Variants in CES5A observed in about 807,000 individuals in gnomAD.
CES5A encodes carboxylesterase 5A.
A neutral mutation model predicts 62.9 loss-of-function variants in CES5A; 67 were observed. The ratio of observed to expected loss-of-function variants is 1.07; its 90% CI spans 0.88 to 1.31. The LOEUF (loss-of-function observed/expected upper bound fraction) is 1.31, where lower values mean the gene tolerates loss of function less well. CES5A is among the 50% of genes most tolerant of loss of function. The pLI is 0.00. For synonymous variants in CES5A, 296 were observed against 280.8 expected (o/e 1.05, Z -0.54); for missense variants, 748 against 708.5 (o/e 1.06, Z -0.63).
At chr16:55,932,427 G>A (rs565223761) in intron 2 of CES5A, among the ~76,000 whole-genome samples, 2 of 152,332 alleles carry the variant, frequency 1.3e-5, no homozygotes, top group East Asian at 1.9e-4. Context: ...TGTTCTTGTG[G>A]AGTTTACTGT....
At chr16:55,884,591 ACTT>A (rs1476305174) in intron 1 of CES5A, among the ~76,000 whole-genome samples, 2 of 140,988 alleles carry the variant, frequency 1.4e-5, no homozygotes. Context: ...CCACCACTAA[ACTT>A]CTTCCTTTTT....
At chr16:55,934,016 C>A (rs2034341528) in intron 2 of CES5A, among the ~76,000 whole-genome samples, 1 of 152,112 alleles carries the variant, frequency 6.6e-6, no homozygotes, top group South Asian at 2.1e-4. Flanking sequence ...GGCCCTTGCA[C>A]TTGTTGTTCC....
At chr16:55,941,475 T>C (rs2034445612) in intron 2 of CES5A, among the ~76,000 whole-genome samples, 1 of 152,012 alleles carries the variant, frequency 6.6e-6, no homozygotes, top group Non-Finnish European at 1.5e-5. Flanking sequence ...AAGACCTCAA[T>C]AAATGGAAAG....
At chr16:55,857,178 C>G (rs1245495297) in intron 8 of CES5A, among the ~76,000 whole-genome samples, 2 of 152,210 alleles carry the variant, frequency 1.3e-5, no homozygotes, top group Admixed American at 1.3e-4. Context: ...CTGCCCTCAA[C>G]AGCTGAGAAC....
rs774396012 is a variant in CES5A at position 55,849,643 on chromosome 16, C to T, written c.1404G>A (p.Lys468=). The T allele has an allele frequency of 5.6e-6, 9 of 1,613,962 alleles. No individual in the cohort carries two copies. Among genetic ancestry groups the T allele is most frequent in the Non-Finnish European group, 7.6e-6 (9 of 1,179,872 alleles). Residue 468 remains lysine, a synonymous_variant, in exon 11 of 13, where the codon AAG becomes AAA. Transcript: ENST00000290567. ...VRFVFGGAFL[K]GDIVMFEGAT... ...CCTTACCGAACATAACAATGTCCCC[C>T]TTCAGGAAGGCACCACCGAACACAA...
upstream of CES5A, among the ~76,000 whole-genome samples, chr16:55,927,491 A>C (rs2034269605): frequency 6.6e-6 from 1 of 152,208 alleles, no homozygotes; most frequent in Non-Finnish European, 1.5e-5. Context: ...GAATATACAA[A>C]TGGCCAACAA....
At chr16:55,925,921 A>G (rs767112658), upstream of CES5A, among the ~76,000 whole-genome samples, 2 of 152,180 alleles carry the variant, frequency 1.3e-5, no homozygotes, top group Non-Finnish European at 2.9e-5. Flanking sequence ...ACCTACAAGG[A>G]ACTTAAACAA....
intron 2 of CES5A, among the ~76,000 whole-genome samples, chr16:55,940,498 A>G (rs2034434609): frequency 6.6e-6 from 1 of 152,028 alleles, no homozygotes; most frequent in South Asian, 2.1e-4. Context: ...AATAACCTAA[A>G]TAGTCCTATA....
chr16:55,952,014 C>A (rs1283637486), intron 1 of CES5A, among the ~76,000 whole-genome samples: 1 of 151,980 alleles, frequency 6.6e-6, no homozygotes, highest in Admixed American at 6.5e-5. Context: ...ACACATGGAG[C>A]ATTCAAAAAA....
At chr16:55,935,854 G>A (rs1366510281) in intron 2 of CES5A, among the ~76,000 whole-genome samples, 1 of 151,798 alleles carries the variant, frequency 6.6e-6, no homozygotes, top group Non-Finnish European at 1.5e-5. Flanking sequence ...AATGTATACA[G>A]TATGAGAGAC....
chr16:55,939,694 C>T (rs956051597), intron 2 of CES5A, among the ~76,000 whole-genome samples: 4 of 151,522 alleles, frequency 2.6e-5, no homozygotes, highest in South Asian at 4.2e-4. Flanking sequence ...TATGGAATAC[C>T]CTCATCCAAC....
chr16:55,887,901 A>G (rs62039563), intron 1 of CES5A, among the ~76,000 whole-genome samples: 34,940 of 152,010 alleles, frequency 0.23, 5,049 homozygotes, highest in Non-Finnish European at 0.32. Context: ...GCTTGCTGGA[A>G]ATTTTATAGG....
At chr16:55,942,065 C>T (rs4784608) in intron 2 of CES5A, among the ~76,000 whole-genome samples, 1,752 of 152,218 alleles carry the variant, frequency 0.012, 58 homozygotes, top group East Asian at 0.1. Context: ...TCATTCCATA[C>T]ACAAACATAA....
At chr16:55,875,750 A>G (rs1473216387), upstream of CES5A, among the ~76,000 whole-genome samples, 2 of 152,226 alleles carry the variant, frequency 1.3e-5, no homozygotes, top group Non-Finnish European at 2.9e-5. Flanking sequence ...CATTTGGTCT[A>G]CAGCCTCCTT....
chr16:55,906,649 C>G (rs554383420), intron 1 of CES5A, among the ~76,000 whole-genome samples: 2 of 152,290 alleles, frequency 1.3e-5, no homozygotes, highest in African/African-American at 4.8e-5. Flanking sequence ...GTGCTGGGTA[C>G]CAGAATTGGA....
At chr16:55,914,072 A>G (rs1423215232) in intron 1 of CES5A, among the ~76,000 whole-genome samples, 1 of 152,188 alleles carries the variant, frequency 6.6e-6, no homozygotes, top group Non-Finnish European at 1.5e-5. Flanking sequence ...GTCCAGTTAA[A>G]TGTGAATTTC....
intron 2 of CES5A, among the ~76,000 whole-genome samples, chr16:55,943,446 C>T (rs989247856): frequency 2.6e-5 from 4 of 152,180 alleles, no homozygotes; most frequent in Non-Finnish European, 5.9e-5. Context: ...TGTTTTTCAA[C>T]GTGTTATCCC....
At chr16:55,865,911 T>A (rs1164875255) in intron 5 of CES5A, 52 bp downstream of exon 5, 2 of 1,605,508 alleles carry the variant, frequency 1.2e-6, no homozygotes, top group Non-Finnish European at 1.7e-6. Context: ...CATCATCATT[T>A]TTGGAACCTC....
intron 9 of CES5A, among the ~76,000 whole-genome samples, chr16:55,854,304 C>T (rs192193687): frequency 4.6e-5 from 7 of 152,218 alleles, no homozygotes; most frequent in Admixed American, 3.9e-4. Context: ...CAGCCTACTT[C>T]CCACTCTACT....
Sources: allele counts gnomAD v4.1 joint callset (sites outside exome capture counted in the v4.1 genomes callset), GRCh38; gene constraint gnomAD v4.1.1; transcripts MANE v1.5; gene names NCBI Gene and HGNC (gene_info 2026-07-23, HGNC 2026-07-21).